The following PYCR1 variants were observed in gnomAD, a reference collection of about 807,000 sequenced individuals.
PYCR1 encodes pyrroline-5-carboxylate reductase 1.
Under a neutral mutation model 22.9 loss-of-function variants are expected in PYCR1, and 19 were observed. The observed-to-expected ratio is 0.83, with a 90% CI of 0.58 to 1.22. The LOEUF (loss-of-function observed/expected upper bound fraction) is 1.22, where lower values mean the gene tolerates loss of function less well. Among genes scored for constraint, PYCR1 ranks in the 50% most tolerant of loss-of-function variants. The pLI is 0.00. For synonymous variants in PYCR1, 175 were observed against 180.5 expected (o/e 0.97, Z 0.24); for missense variants, 429 against 431.3 (o/e 0.99, Z 0.05).
Position 81,936,223 on chromosome 17 carries a change from C to T in PYCR1, c.68-30G>A, listed in dbSNP as rs373950200. 443 of 1,590,118 alleles carry T rather than the reference C, an allele frequency of 2.8e-4. 3 individuals carry two copies. The African/African-American group carries it at 5.1e-3, about 18-fold the overall frequency. On this transcript the variant is annotated intron_variant, in intron 1 of 6. Transcript: ENST00000329875. Reference sequence around the variant, plus strand: ...GGGGAGAAACAGTTCCTCTTCAGTTCTTTATTATTTTTTTTTTTTTGAGAC... The same window carrying T: ...GGGGAGAAACAGTTCCTCTTCAGTTTTTTATTATTTTTTTTTTTTTGAGAC...
rs767581950 is a variant in PYCR1 at position 81,934,368 on chromosome 17, G to A, written c.755C>T (p.Ser252Phe). ...LHVLESGGFR[S>F]LLINAVEASC... is the part of the protein sequence containing the mutation. ...GGCCTCCACAGCGTTGATGAGCAGG[G>A]AGCGGAAGCCCCCACTCTCCAGCAC... Residue 252 changes from serine (S) to phenylalanine (F), a missense_variant, in exon 6 of 7, where the codon TCC becomes TTC. Physicochemically the swap from Ser to Phe is radical, Grantham distance 155 (BLOSUM62 -2). Transcript: ENST00000329875. 3 of 1,612,900 alleles carry A rather than the reference G, an allele frequency of 1.9e-6. No homozygotes were observed. In the South Asian group the frequency reaches 3.3e-5, roughly 18 times the overall value.
chr17:81,934,178 G>T, intron 6 of PYCR1, 148 bp downstream of exon 6: 1 of 1,201,746 alleles, frequency 8.3e-7, no homozygotes, highest in Non-Finnish European at 1.2e-6. Flanking sequence ...AGTAACCCAG[G>T]GAACCTCGGG....
chr17:81,937,210 C>G lies in PYCR1; in HGVS notation c.-396G>C. On this transcript the variant is annotated 5_prime_UTR_variant, in exon 1 of 7. Transcript: ENST00000329875. ...CGCCCCACCCGGCGACCGCCGCCCA[C>G]CATTCCCGGAGCCCGACCCCAACCC... The G allele has an allele frequency of 6.8e-7, 1 of 1,479,346 alleles. No homozygotes were observed. The allele number at this position is 1,479,346 out of a possible 1,614,324, so 91.6% of individuals were successfully genotyped here. A position where few individuals can be genotyped will look rare whatever the true frequency, so the allele number is the denominator to read the frequency against.
Position 81,935,165 on chromosome 17 carries a change from G to T in PYCR1, c.319-18C>A. The T allele has an allele frequency of 6.3e-7, 1 of 1,596,248 alleles. No individual in the cohort carries two copies. Among genetic ancestry groups the T allele is most frequent in the Non-Finnish European group, 8.5e-7 (1 of 1,174,116 alleles). Reference sequence around the variant, plus strand: ...GACAGCTTCTGGAAGAGAAACCAGCGTGTCCGTCTGGCCATGGACGCAGTG... The same window carrying T: ...GACAGCTTCTGGAAGAGAAACCAGCTTGTCCGTCTGGCCATGGACGCAGTG... On this transcript the variant is annotated intron_variant, in intron 3 of 6. Transcript: ENST00000329875.
rs913561383 is a variant in PYCR1 at position 81,932,804 on chromosome 17, G to A, written c.*410C>T. 3.3e-6 allele frequency: 5 copies of A among 1,522,400 alleles called. No homozygotes were observed. In the African/African-American group the frequency reaches 5.5e-5, roughly 17 times the overall value. The allele number at this position is 1,522,400 out of a possible 1,614,324, so 94.3% of individuals were successfully genotyped here. A position where few individuals can be genotyped will look rare whatever the true frequency, so the allele number is the denominator to read the frequency against. On this transcript the variant is annotated 3_prime_UTR_variant, in exon 7 of 7. Coordinates refer to ENST00000329875, the MANE Select transcript of PYCR1 (RefSeq NM_006907.4). ...GGAGAGGTTTCTCCCTGAATGGAGG[G>A]CAGGGAGGGGCCGGGAGGGGGCGTG...
chr17:81,936,129 A>G lies in PYCR1; in HGVS notation c.132T>C (p.Ala44=), dbSNP rs1214091099. ...SPDMDLATVS[A]LRKMGVKLTP... is the part of the protein sequence containing the mutation. Reference sequence around the variant, plus strand: ...CCCTTTCATCTGCACCTACCCTGAGAGCAGAAACTGTGGCCAGGTCCATGT... The same window carrying G: ...CCCTTTCATCTGCACCTACCCTGAGGGCAGAAACTGTGGCCAGGTCCATGT... The change falls in exon 2 of 7, where the codon GCT becomes GCC. Residue 44 remains alanine (A), a synonymous_variant. Coordinates refer to ENST00000329875, the MANE Select transcript of PYCR1 (RefSeq NM_006907.4). 5.6e-6 allele frequency: 9 copies of G among 1,613,666 alleles called. No homozygotes were observed. The highest frequency in any genetic ancestry group is 1.1e-5 in the South Asian group (1 of 91,082).
rs1297442930 is a variant in PYCR1 at position 81,932,604 on chromosome 17, C to T, written c.*610G>A. The stretch of plus-strand genomic sequence containing the variant: ...GAAAGGGCCAGGACAGAACTGATAG[C>T]ACCCTCCCAGGGAGGTCAGGAGCAG... On this transcript the variant is annotated 3_prime_UTR_variant, in exon 7 of 7. Transcript: ENST00000329875. 3.9e-6 allele frequency: 2 copies of T among 506,874 alleles called. No homozygotes were observed. The highest frequency in any genetic ancestry group is 7.2e-6 in the Non-Finnish European group (2 of 278,216). The allele number at this position is 506,874 out of a possible 1,614,324, so 31.4% of individuals were successfully genotyped here.
At chr17:81,935,599 C>CA in intron 2 of PYCR1, 83 bp from the exon 3 acceptor site, 2 of 891,236 alleles carry the variant, frequency 2.2e-6, no homozygotes, top group African/African-American at 1.7e-5. Flanking sequence ...GGTAGAATGG[C>CA]ACAGAGAATG....
At position 81,932,756 on chromosome 17, in the gene PYCR1, C is replaced by T. The variant is rs1026423968; in HGVS notation, c.*458G>A. Reference sequence around the variant, plus strand: ...ACGCTGGACTTGGGATGCCTGGACCCTCTGGCCCTTCTCACACGGGAAGGA... The same window carrying T: ...ACGCTGGACTTGGGATGCCTGGACCTTCTGGCCCTTCTCACACGGGAAGGA... On this transcript the variant is annotated 3_prime_UTR_variant, in exon 7 of 7. Coordinates refer to ENST00000329875, the MANE Select transcript of PYCR1 (RefSeq NM_006907.4). The T allele has an allele frequency of 2.9e-6, 4 of 1,382,576 alleles. No homozygotes were observed. In the African/African-American group the frequency reaches 5.7e-5, roughly 20 times the overall value. The allele number at this position is 1,382,576 out of a possible 1,614,324, so 85.6% of individuals were successfully genotyped here. A position where few individuals can be genotyped will look rare whatever the true frequency, so the allele number is the denominator to read the frequency against.
intron 6 of PYCR1, 173 bp downstream of exon 6, chr17:81,934,152 GA>G (rs2041081175): frequency 1.1e-6 from 1 of 886,126 alleles, no homozygotes; most frequent in Non-Finnish European, 1.8e-6. Context: ...GGAAGGTGGG[GA>G]GGGGCACTGC....
At position 81,937,242 on chromosome 17, in the gene PYCR1, C is replaced by G. The variant is rs780358911; in HGVS notation, c.-428G>C. The G allele has an allele frequency of 5.7e-6, 8 of 1,413,832 alleles. No individual in the cohort carries two copies. The highest frequency in any genetic ancestry group is 1.5e-5 in the South Asian group (1 of 66,450). 87.6% of individuals were successfully genotyped at this position (1,413,832 alleles called of 1,614,324 possible). A position where few individuals can be genotyped will look rare whatever the true frequency, so the allele number is the denominator to read the frequency against. The stretch of plus-strand genomic sequence containing the variant: ...CGGAGCCCGACCCCAACCCAGCTAC[C>G]GTGCGCGGGTCGTACCCACCCCTCA... On this transcript the variant is annotated 5_prime_UTR_variant, in exon 1 of 7. Transcript: ENST00000329875.
chr17:81,935,240 C>T (rs1278051642), intron 3 of PYCR1, 93 bp from the exon 4 acceptor site: 13 of 1,570,998 alleles, frequency 8.3e-6, no homozygotes, highest in Middle Eastern at 2.2e-4. Context: ...CCCAGTGGGC[C>T]GGGACGCTGC....
intron 1 of PYCR1, among the ~76,000 whole-genome samples, 157 bp downstream of exon 1, chr17:81,936,591 G>A (rs2041201514): frequency 6.6e-6 from 1 of 152,232 alleles, no homozygotes; most frequent in Non-Finnish European, 1.5e-5. Context: ...AGAAGAGTGA[G>A]ACAGCACAGG....
chr17:81,934,754 A>T lies in PYCR1; in HGVS notation c.541-9T>A. On this transcript the variant is annotated splice_polypyrimidine_tract_variant and intron_variant, in intron 4 of 6. Transcript: ENST00000329875. The stretch of plus-strand genomic sequence containing the variant: ...TCCAGGGCTGTGAATGCCTGTGGGG[A>T]GAAGGCACCCTGAGCCTCTCTCCTG... The T allele has an allele frequency of 6.4e-7, 1 of 1,551,304 alleles. No homozygotes were observed. The highest frequency in any genetic ancestry group is 8.7e-7 in the Non-Finnish European group (1 of 1,146,878).
chr17:81,934,278 G>C (rs771598453), intron 6 of PYCR1, 48 bp downstream of exon 6: 2 of 1,607,598 alleles, frequency 1.2e-6, no homozygotes, highest in Non-Finnish European at 1.7e-6. Context: ...AGAGGCCTCT[G>C]CCATGCAAGG....
chr17:81,936,896 TA>T lies in PYCR1; in HGVS notation c.-83del, dbSNP rs1162006099. 2 of 1,554,122 alleles carry T rather than the reference TA, an allele frequency of 1.3e-6. No homozygotes were observed. The highest frequency in any genetic ancestry group is 8.7e-7 in the Non-Finnish European group (1 of 1,150,644). ...GAGACCGGCAGGATCGAGAGCAAGT[TA>T]GGGGGGCAGTGCCAGCCTGGCCGCT... On this transcript the variant is annotated 5_prime_UTR_variant, in exon 1 of 7. Coordinates refer to ENST00000329875, the MANE Select transcript of PYCR1 (RefSeq NM_006907.4).
chr17:81,936,044 G>A lies in PYCR1; in HGVS notation c.138+79C>T, dbSNP rs2041178909. 2.6e-6 allele frequency: 4 copies of A among 1,512,938 alleles called. No homozygotes were observed. The African/African-American group carries it at 4.1e-5, about 16-fold the overall frequency. The allele number at this position is 1,512,938 out of a possible 1,614,324, so 93.7% of individuals were successfully genotyped here. On this transcript the variant is annotated intron_variant, in intron 2 of 6. Coordinates refer to ENST00000329875, the MANE Select transcript of PYCR1 (RefSeq NM_006907.4). Reference sequence around the variant, plus strand: ...GGGCCCCTGCCCTCACTGGGGTGGGGGCTACAGCACACACTCCTGCCTCTC... The same window carrying A: ...GGGCCCCTGCCCTCACTGGGGTGGGAGCTACAGCACACACTCCTGCCTCTC...
chr17:81,934,382 A>T lies in PYCR1; in HGVS notation c.741T>A (p.Ser247Arg). The T allele has an allele frequency of 6.2e-7, 1 of 1,612,584 alleles. No individual in the cohort carries two copies. The highest frequency in any genetic ancestry group is 8.5e-7 in the Non-Finnish European group (1 of 1,179,840). ...TGATGAGCAGGGAGCGGAAGCCCCC[A>T]CTCTCCAGCACATGCAAGGCATGGA... ...ATIHALHVLESGGFRSLLINA... is the reference protein window; with the variant it reads ...ATIHALHVLERGGFRSLLINA... The change falls in exon 6 of 7, where the codon AGT (serine) becomes AGA (arginine). Residue 247 changes from serine (S) to arginine (R), a missense_variant. Coordinates refer to ENST00000329875, the MANE Select transcript of PYCR1 (RefSeq NM_006907.4).
At position 81,937,286 on chromosome 17, in the gene PYCR1, G is replaced by A. The variant is rs2041228396; in HGVS notation, c.-472C>T. 2 of 1,151,240 alleles carry A rather than the reference G, an allele frequency of 1.7e-6. No homozygotes were observed. The highest frequency in any genetic ancestry group is 3.2e-5 in the African/African-American group (2 of 62,460). The allele number at this position is 1,151,240 out of a possible 1,614,324, so 71.3% of individuals were successfully genotyped here. A position where few individuals can be genotyped will look rare whatever the true frequency, so the allele number is the denominator to read the frequency against. On this transcript the variant is annotated 5_prime_UTR_variant, in exon 1 of 7. Coordinates refer to ENST00000329875, the MANE Select transcript of PYCR1 (RefSeq NM_006907.4). ...CCCCTCAGCGCTGCGGCCGCCACGC[G>A]GCACCCGCACCCAGGCCCCGCCCCC...
Sources: gnomAD v4.1 joint callset for allele counts (sites outside exome capture counted in the v4.1 genomes callset) on GRCh38, gnomAD v4.1.1 for gene constraint, MANE v1.5 for transcripts, NCBI Gene and HGNC (gene_info 2026-07-23, HGNC 2026-07-21) for gene names.